ZNF536: variants seen among roughly 807,000 people sequenced by gnomAD.
The protein encoded by ZNF536 is zinc finger protein 536.
A neutral mutation model predicts 84.5 loss-of-function variants in ZNF536; 13 were observed. The observed-to-expected ratio is 0.15, with a 90% CI of 0.10 to 0.24. The LOEUF (loss-of-function observed/expected upper bound fraction) is 0.24, where lower values mean the gene tolerates loss of function less well. Among genes scored for constraint, ZNF536 ranks in the 10% least tolerant of loss-of-function variants. The probability of loss-of-function intolerance (pLI) is 1.00; values close to 1 mark genes in which losing one functional copy is unlikely to be tolerated. For synonymous variants in ZNF536, 811 were observed against 742.5 expected (o/e 1.09, Z -1.50); for missense variants, 1,536 against 1,747.5 (o/e 0.88, Z 2.16).
intron 1 of ZNF536, among the ~76,000 whole-genome samples, chr19:30,593,290 T>A (rs1009315121): frequency 1.3e-5 from 2 of 152,044 alleles, no homozygotes; most frequent in African/African-American, 4.8e-5. Flanking sequence ...GGGCAGTGGG[T>A]CTCTGAGCAG....
intron 3 of ZNF536, among the ~76,000 whole-genome samples, chr19:30,365,408 G>T (rs1000949076): frequency 6.6e-6 from 1 of 152,058 alleles, no homozygotes; most frequent in Non-Finnish European, 1.5e-5. Context: ...ACTTGCTAGT[G>T]CTTGTTGCCC....
At chr19:30,680,954 G>A (rs2050944957) in intron 1 of ZNF536, among the ~76,000 whole-genome samples, 1 of 152,166 alleles carries the variant, frequency 6.6e-6, no homozygotes, top group Non-Finnish European at 1.5e-5. Flanking sequence ...TCTAACTGGT[G>A]TGAGATGGTA....
intron 2 of ZNF536, among the ~76,000 whole-genome samples, chr19:30,349,899 C>G (rs1460683440): frequency 1.3e-5 from 2 of 151,988 alleles, no homozygotes; most frequent in African/African-American, 4.8e-5. Flanking sequence ...TAGTATGTTA[C>G]CATTAAAATC....
At chr19:30,395,667 C>T (rs2049785762) in intron 1 of ZNF536, among the ~76,000 whole-genome samples, 1 of 152,164 alleles carries the variant, frequency 6.6e-6, no homozygotes, top group Non-Finnish European at 1.5e-5. Context: ...AGCTGTGTAC[C>T]TCTTCATGTG....
chr19:30,569,483 C>T (rs2046462364), intron 1 of ZNF536, among the ~76,000 whole-genome samples: 1 of 150,898 alleles, frequency 6.6e-6, no homozygotes, highest in Non-Finnish European at 1.5e-5. Context: ...CCTACCTTGC[C>T]ACTCAGTCTC....
At chr19:30,461,101 T>G (rs10420561) in intron 2 of ZNF536, among the ~76,000 whole-genome samples, 46,625 of 151,976 alleles carry the variant, frequency 0.31, 8,273 homozygotes, top group African/African-American at 0.5. Context: ...TTTCCCTGTT[T>G]CCCAGGAGTG....
intron 2 of ZNF536, among the ~76,000 whole-genome samples, chr19:30,298,042 G>A (rs1054178339): frequency 3.3e-5 from 5 of 151,938 alleles, no homozygotes; most frequent in African/African-American, 7.3e-5. Flanking sequence ...CACCATGCCC[G>A]GTAATTTTTG....
intron 1 of ZNF536, among the ~76,000 whole-genome samples, chr19:30,575,512 T>C (rs1400766227): frequency 6.6e-6 from 1 of 152,222 alleles, no homozygotes; most frequent in Non-Finnish European, 1.5e-5. Flanking sequence ...TCTTGCTCAG[T>C]CATCCAGCAA....
intron 1 of ZNF536, among the ~76,000 whole-genome samples, chr19:30,576,217 C>G (rs1196878341): frequency 6.6e-6 from 1 of 152,166 alleles, no homozygotes; most frequent in Non-Finnish European, 1.5e-5. Context: ...CGTGGGGGAC[C>G]CATGGGTGGG....
intron 1 of ZNF536, among the ~76,000 whole-genome samples, chr19:30,415,616 T>G (rs1211303491): frequency 7.0e-6 from 1 of 142,340 alleles, no homozygotes; most frequent in Non-Finnish European, 1.5e-5. Flanking sequence ...CATCATCATC[T>G]TTTTATTTGT....
intron 1 of ZNF536, among the ~76,000 whole-genome samples, chr19:30,376,803 C>T (rs1050175734): frequency 3.9e-5 from 6 of 152,228 alleles, no homozygotes; most frequent in African/African-American, 7.2e-5. Context: ...CCTTGACTGC[C>T]GCCTGGCTCC....
At chr19:30,629,209 GT>G (rs908268079) in intron 1 of ZNF536, among the ~76,000 whole-genome samples, 9 of 151,322 alleles carry the variant, frequency 5.9e-5, no homozygotes, top group Admixed American at 5.3e-4. Context: ...ATTTAATTTT[GT>G]TTTTTTGAGA....
intron 1 of ZNF536, among the ~76,000 whole-genome samples, chr19:30,629,946 G>A (rs1189484588): frequency 6.6e-6 from 1 of 152,216 alleles, no homozygotes; most frequent in Non-Finnish European, 1.5e-5. Context: ...AAACCACCAG[G>A]AGAGAACACC....
intron 1 of ZNF536, among the ~76,000 whole-genome samples, chr19:30,662,202 CGG>C (rs2050145939): frequency 6.6e-6 from 1 of 152,210 alleles, no homozygotes; most frequent in Admixed American, 6.5e-5. Context: ...CCCCAGAAGA[CGG>C]TCATAATCAA....
chr19:30,632,391 A>C (rs1411462368), intron 1 of ZNF536, among the ~76,000 whole-genome samples: 1 of 152,192 alleles, frequency 6.6e-6, no homozygotes, highest in African/African-American at 2.4e-5. Context: ...GGATCACCTG[A>C]GGTCTGGAGT....
At position 30,506,267 on chromosome 19, in the gene ZNF536, G is replaced by A. The variant is rs189376702; in HGVS notation, c.2171-28580G>A. Among the ~76,000 whole-genome samples, 27 of 152,252 alleles carry A rather than the reference G, an allele frequency of 1.8e-4. 1 individual carries two copies. The highest frequency in any genetic ancestry group is 1.7e-3 in the Admixed American group (26 of 15,292). ...CCTTCCCCTCCTGATGAGATTGGGT[G>A]GTTGATGACTTTTCTCTATGTCCCT... On this transcript the variant is annotated intron_variant, in intron 2 of 4. Transcript: ENST00000355537.
chr19:30,437,601 G>A (rs1215566244), intron 1 of ZNF536, among the ~76,000 whole-genome samples: 1 of 152,146 alleles, frequency 6.6e-6, no homozygotes, highest in Non-Finnish European at 1.5e-5. Context: ...GAAGAATCCT[G>A]TGGCCACCGA....
chr19:30,277,281 G>A (rs143063529), intron 1 of ZNF536, among the ~76,000 whole-genome samples: 16 of 152,274 alleles, frequency 1.1e-4, no homozygotes, highest in African/African-American at 3.1e-4. Flanking sequence ...TTGGCTCTGA[G>A]CATCTTGGCT....
intron 2 of ZNF536, among the ~76,000 whole-genome samples, chr19:30,495,125 G>A (rs1007179673): frequency 6.6e-6 from 1 of 152,172 alleles, no homozygotes; most frequent in South Asian, 2.1e-4. Flanking sequence ...GGGACACCAA[G>A]TAAACCTTGT....
Sources: allele counts gnomAD v4.1 joint callset (sites outside exome capture counted in the v4.1 genomes callset), GRCh38; gene constraint gnomAD v4.1.1; transcripts MANE v1.5; gene names NCBI Gene and HGNC (gene_info 2026-07-23, HGNC 2026-07-21).